Variants in AP2B1 observed in about 807,000 individuals in gnomAD.
AP2B1 encodes adaptor related protein complex 2 subunit beta 1.
AP2B1 carries 23 observed loss-of-function variants against 102.0 expected under a neutral mutation model. That is an observed-to-expected ratio of 0.23 (90% CI 0.16 to 0.32). The LOEUF (loss-of-function observed/expected upper bound fraction) is 0.32. Ranked by LOEUF, AP2B1 falls within the 10% of genes least tolerant of loss-of-function variation. The pLI is 1.00. For synonymous variants in AP2B1, 381 were observed against 421.2 expected (o/e 0.90, Z 1.17); for missense variants, 541 against 1,157.4 (o/e 0.47, Z 7.73).
At chr17:35,716,891 C>T (rs2076560787) in intron 20 of AP2B1, among the ~76,000 whole-genome samples, 1 of 152,188 alleles carries the variant, frequency 6.6e-6, no homozygotes, top group African/African-American at 2.4e-5. Context: ...CTGTCTAGCA[C>T]CTAATTTGAG....
intron 12 of AP2B1, among the ~76,000 whole-genome samples, chr17:35,646,659 C>T (rs767384521): frequency 6.7e-6 from 1 of 148,970 alleles, no homozygotes; most frequent in African/African-American, 2.5e-5. Context: ...AATCTCAGCT[C>T]ACTGCAGCCT....
chr17:35,639,025 C>T (rs552528655), intron 10 of AP2B1, among the ~76,000 whole-genome samples: 3 of 152,158 alleles, frequency 2.0e-5, no homozygotes, highest in African/African-American at 7.2e-5. Context: ...TTATCTTACA[C>T]CACAGGTTAA....
intron 10 of AP2B1, among the ~76,000 whole-genome samples, chr17:35,638,097 C>T (rs1480569781): frequency 6.6e-6 from 1 of 152,184 alleles, no homozygotes; most frequent in African/African-American, 2.4e-5. Flanking sequence ...GCCTCAGCCT[C>T]TCCAGTAGCT....
At chr17:35,604,663 C>A (rs990469207) in intron 3 of AP2B1, among the ~76,000 whole-genome samples, 25 of 152,100 alleles carry the variant, frequency 1.6e-4, no homozygotes, top group African/African-American at 6.0e-4. Flanking sequence ...GAGGCTGACA[C>A]ATTAGAATTG....
chr17:35,632,972 G>A (rs2074504616), intron 9 of AP2B1, among the ~76,000 whole-genome samples: 1 of 151,688 alleles, frequency 6.6e-6, no homozygotes, highest in South Asian at 2.1e-4. Flanking sequence ...TTTTCCAACT[G>A]TTTTGCTGTT....
intron 21 of AP2B1, among the ~76,000 whole-genome samples, chr17:35,721,996 T>G (rs2085407305): frequency 6.6e-6 from 1 of 152,102 alleles, no homozygotes. Context: ...ATCCCAGCAT[T>G]TTGGGAGGCC....
At chr17:35,605,123 TGAACACCTG>T (rs1598005801) in intron 3 of AP2B1, among the ~76,000 whole-genome samples, 1 of 152,128 alleles carries the variant, frequency 6.6e-6, no homozygotes, top group African/African-American at 2.4e-5. Flanking sequence ...AGGCTGGCCT[TGAACACCTG>T]GTCTCAAGTG....
At chr17:35,639,547 A>C in intron 10 of AP2B1, 48 bp from the exon 11 acceptor site, 1 of 1,540,020 alleles carries the variant, frequency 6.5e-7, no homozygotes, top group Non-Finnish European at 8.8e-7. Flanking sequence ...CTGTTAAATT[A>C]GTTCTTAGTT....
intron 3 of AP2B1, among the ~76,000 whole-genome samples, chr17:35,601,522 G>GC (rs965513614): frequency 6.6e-6 from 1 of 152,120 alleles, no homozygotes; most frequent in African/African-American, 2.4e-5. Context: ...GCCTGCCTTG[G>GC]CCCCCCGAAG....
chr17:35,718,176 ACT>A (rs35188344), intron 21 of AP2B1, among the ~76,000 whole-genome samples: 8,315 of 151,508 alleles, frequency 0.055, 366 homozygotes, highest in East Asian at 0.14. Flanking sequence ...AGCTGAGAAA[ACT>A]CTGTGACCCG....
At chr17:35,690,748 A>T (rs587676112) in intron 18 of AP2B1, among the ~76,000 whole-genome samples, 3 of 152,188 alleles carry the variant, frequency 2.0e-5, no homozygotes, top group African/African-American at 7.2e-5. Flanking sequence ...TGTTGCTGTT[A>T]TATCTTTTTG....
At chr17:35,636,487 C>A in intron 10 of AP2B1, 31 bp downstream of exon 10, 1 of 1,536,412 alleles carries the variant, frequency 6.5e-7, no homozygotes, top group Non-Finnish European at 9.0e-7. Context: ...CCCTCTTTCT[C>A]AAATTACTTA....
chr17:35,662,610 C>A (rs1178519656), intron 14 of AP2B1, among the ~76,000 whole-genome samples: 1 of 149,774 alleles, frequency 6.7e-6, no homozygotes, highest in Non-Finnish European at 1.5e-5. Flanking sequence ...TTTTTCTCAC[C>A]GTGCAGATCC....
At position 35,623,799 on chromosome 17, in the gene AP2B1, T is replaced by C. The variant is rs138416560; in HGVS notation, c.526-598T>C. On this transcript the variant is annotated intron_variant, in intron 5 of 21. Coordinates refer to ENST00000610402, the MANE Select transcript of AP2B1 (RefSeq NM_001030006.2). ...CTTACACATATGTCATCTGATCTTA[T>C]CCTTAAACTAAAACTAATCTGTGAG... Among the ~76,000 whole-genome samples, 976 of 152,326 alleles carry C rather than the reference T, an allele frequency of 6.4e-3. 9 individuals carry two copies. The highest frequency in any genetic ancestry group is 0.022 in the African/African-American group (929 of 41,572).
At chr17:35,660,192 G>A in intron 14 of AP2B1, 4 of 572,158 alleles carry the variant, frequency 7.0e-6, no homozygotes, top group Non-Finnish European at 8.8e-6. Flanking sequence ...TGTTGCGTAG[G>A]CTCATCTTGA....
At chr17:35,712,081 A>T (rs1555587831) in intron 20 of AP2B1, among the ~76,000 whole-genome samples, 1 of 152,146 alleles carries the variant, frequency 6.6e-6, no homozygotes, top group East Asian at 1.9e-4. Context: ...GGTCTTCTGT[A>T]ATTTCCATCA....
chr17:35,674,089 A>G, intron 16 of AP2B1, 87 bp from the exon 17 acceptor site: 2 of 1,350,580 alleles, frequency 1.5e-6, no homozygotes, highest in Non-Finnish European at 2.0e-6. Context: ...TTAATTGTTA[A>G]TCTTAATTTG....
In AP2B1 at chr17:35,669,024, T is replaced by C. The variant is rs1461948565; in HGVS notation, c.1990-1833T>C. 3.3e-5 allele frequency among the ~76,000 whole-genome samples: 5 copies of C among 152,290 alleles called. No homozygotes were observed. In the South Asian group the frequency reaches 1.0e-3, roughly 32 times the overall value. On this transcript the variant is annotated intron_variant, in intron 14 of 21. Coordinates refer to ENST00000610402, the MANE Select transcript of AP2B1 (RefSeq NM_001030006.2). Reference sequence around the variant, plus strand: ...AAATGTTTGTTTGAATAAAAGGAATTTCAGACGTCATGCTGCAGATGTGTG... The same window carrying C: ...AAATGTTTGTTTGAATAAAAGGAATCTCAGACGTCATGCTGCAGATGTGTG...
chr17:35,630,902 C>T (rs1483296029), intron 9 of AP2B1, among the ~76,000 whole-genome samples: 2 of 152,128 alleles, frequency 1.3e-5, no homozygotes, highest in Non-Finnish European at 2.9e-5. Context: ...GTAACTGTTT[C>T]AGCCATGAAG....
Sources: gnomAD v4.1 joint callset for allele counts (sites outside exome capture counted in the v4.1 genomes callset) on GRCh38, gnomAD v4.1.1 for gene constraint, MANE v1.5 for transcripts, NCBI Gene and HGNC (gene_info 2026-07-23, HGNC 2026-07-21) for gene names.